The following ELN variants were observed in gnomAD, a reference collection of about 807,000 sequenced individuals.
The protein encoded by ELN is tropoelastin.
In ELN, 65 loss-of-function variants were observed where a neutral mutation model predicts 105.8. That is an observed-to-expected ratio of 0.61 (90% confidence interval 0.50 to 0.75). The LOEUF is 0.75. ELN is among the 30% of genes least tolerant of loss of function. The pLI is 0.00. For synonymous variants in ELN, 368 were observed against 389.2 expected (o/e 0.95, Z 0.64); for missense variants, 882 against 969.4 (o/e 0.91, Z 1.20).
intron 1 of ELN, among the ~76,000 whole-genome samples, chr7:74,032,446 C>T (rs1554662977): frequency 6.6e-6 from 1 of 152,118 alleles, no homozygotes; most frequent in African/African-American, 2.4e-5. Context: ...CCTGGGGAAG[C>T]AGCTGTTACC....
rs782000329 is a variant in ELN, at chr7:74,061,166, G to A, written c.1786+27G>A. ...TGAGTGCACCCCACAACCACTTGTG[G>A]CTCCCTTGCCACCACACCATCCCTG... On this transcript the variant is annotated intron_variant, in intron 26 of 32. Transcript: ENST00000252034. 10 of 1,613,812 alleles carry A rather than the reference G, an allele frequency of 6.2e-6. No individual in the cohort carries two copies. In the African/African-American group the frequency reaches 6.7e-5, roughly 11 times the overall value.
intron 1 of ELN, among the ~76,000 whole-genome samples, chr7:74,031,860 A>AAG (rs1788747600): frequency 1.1e-4 from 12 of 107,126 alleles, no homozygotes; most frequent in African/African-American, 1.5e-4. Flanking sequence ...AAGGAAGGAA[A>AAG]GAAGGAAGGA....
intron 25 of ELN, 22 bp downstream of exon 25, chr7:74,060,523 G>C (rs782185462): frequency 1.2e-6 from 2 of 1,614,178 alleles, no homozygotes; most frequent in South Asian, 1.1e-5. Flanking sequence ...GGAGTTAGGC[G>C]GAGCCTGTCC....
intron 4 of ELN, among the ~76,000 whole-genome samples, chr7:74,038,818 G>A (rs188692269): frequency 9.8e-5 from 15 of 152,352 alleles, no homozygotes; most frequent in African/African-American, 1.9e-4. Flanking sequence ...ATTCCCCTGC[G>A]CTAAAAGTCC....
At chr7:74,036,450 G>A (rs570942030) in intron 2 of ELN, 105 bp from the exon 3 acceptor site, 2 of 1,500,438 alleles carry the variant, frequency 1.3e-6, no homozygotes, top group Admixed American at 3.3e-5. Context: ...CTTGCCCAAG[G>A]TCACGTAGTT....
chr7:74,043,757 G>A, intron 8 of ELN, 122 bp from the exon 9 acceptor site: 2 of 1,306,732 alleles, frequency 1.5e-6, no homozygotes, highest in Non-Finnish European at 2.2e-6. Flanking sequence ...GTCCCTGGCT[G>A]CCCCTGTCGG....
intron 19 of ELN, among the ~76,000 whole-genome samples, chr7:74,055,377 A>C (rs1050922488): frequency 6.6e-6 from 1 of 152,104 alleles, no homozygotes; most frequent in African/African-American, 2.4e-5. Context: ...GGAGTTTGAG[A>C]CCAGCCTGGG....
Position 74,068,634 on chromosome 7 carries a change from G to C in ELN, c.2132-23G>C, listed in dbSNP as rs782409595. Reference sequence around the variant, plus strand: ...AACTGAGAGGGGCCGGACTCACAGTGATGTGCACCTCCTCCCGTCCAGGTG... The same window carrying C: ...AACTGAGAGGGGCCGGACTCACAGTCATGTGCACCTCCTCCCGTCCAGGTG... On this transcript the variant is annotated intron_variant, in intron 32 of 32. Coordinates refer to ENST00000252034, the MANE Select transcript of ELN (RefSeq NM_000501.4). The C allele has an allele frequency of 3.1e-6, 5 of 1,614,152 alleles. No homozygotes were observed. In the South Asian group the frequency reaches 5.5e-5, roughly 18 times the overall value.
chr7:74,069,802 T>C lies in ELN; in HGVS notation c.*1102T>C, dbSNP rs1337455789. 4.6e-6 allele frequency: 1 copy of C among 218,690 alleles called. No individual in the cohort carries two copies. Among genetic ancestry groups the C allele is most frequent in the African/African-American group, 2.2e-5 (1 of 44,470 alleles). The allele number at this position is 218,690 out of a possible 1,614,324, so 13.5% of individuals were successfully genotyped here. ...TGTATCCCCAGTAGAAAAAACATTT[T>C]AATCACTCTAATATAACTCTGGATG... is the stretch of plus-strand genomic sequence containing the variant. On this transcript the variant is annotated 3_prime_UTR_variant, in exon 33 of 33. Transcript: ENST00000252034.
chr7:74,052,142 T>C, intron 17 of ELN, 159 bp downstream of exon 17: 1 of 801,484 alleles, frequency 1.2e-6, no homozygotes, highest in Non-Finnish European at 2.0e-6. Flanking sequence ...CTACCTGAGA[T>C]GCCATCTCTA....
rs34208922 is a variant in ELN at position 74,069,201 on chromosome 7, C to CA, written c.*501_*502insA. 69,400 of 257,864 alleles carry CA rather than the reference C, an allele frequency of 0.27. 11,149 individuals are homozygous for CA. The highest frequency in any genetic ancestry group is 0.49 in the African/African-American group (22,592 of 45,952). The allele number at this position is 257,864 out of a possible 1,614,324, so 16.0% of individuals were successfully genotyped here. ...CTGAAGCCTCAAAGCTGGATTCGCT[C>CA]TAGCATCCCTCCTCTCCTGGGTCCA... On this transcript the variant is annotated 3_prime_UTR_variant, in exon 33 of 33. Coordinates refer to ENST00000252034, the MANE Select transcript of ELN (RefSeq NM_000501.4).
chr7:74,047,844 G>A, intron 13 of ELN, 128 bp downstream of exon 13: 1 of 1,351,768 alleles, frequency 7.4e-7, no homozygotes, highest in Non-Finnish European at 1.0e-6. Context: ...GTCTTGGAGT[G>A]GGAATCTCAG....
chr7:74,055,626 T>C (rs970224747), intron 19 of ELN, among the ~76,000 whole-genome samples: 1 of 151,578 alleles, frequency 6.6e-6, no homozygotes, highest in Non-Finnish European at 1.5e-5. Flanking sequence ...ATTACAGACA[T>C]GCACCACCAT....
At chr7:74,040,502 A>G (rs1476401138) in intron 4 of ELN, among the ~76,000 whole-genome samples, 1 of 152,234 alleles carries the variant, frequency 6.6e-6, no homozygotes, top group Non-Finnish European at 1.5e-5. Context: ...AGCAGGCTCC[A>G]TGTTTGGGAT....
At chr7:74,050,491 G>T (rs781866430) in intron 15 of ELN, among the ~76,000 whole-genome samples, 1 of 127,652 alleles carries the variant, frequency 7.8e-6, no homozygotes, top group Non-Finnish European at 1.7e-5. Flanking sequence ...CCATTCTTCC[G>T]TGCATCCCTC....
chr7:74,037,947 A>G (rs1790369318), intron 4 of ELN: 7 of 649,632 alleles, frequency 1.1e-5, no homozygotes, highest in Non-Finnish European at 1.9e-5. Flanking sequence ...AAGAGGCTGG[A>G]AGCAGCTCCA....
rs1554686505 is a variant in ELN, at chr7:74,063,372, G to A, written c.1918+3G>A. On this transcript the variant is annotated splice_donor_region_variant and intron_variant, in intron 28 of 32. Coordinates refer to ENST00000252034, the MANE Select transcript of ELN (RefSeq NM_000501.4). This position sits in a 1 kb window ranked among gnomAD's most constrained non-coding sequence, Gnocchi z 4.1. ...TGCTGCCAAAGCCGCCCAGTTTGGT[G>A]AGCACTGGGTGGAGGTGGGAGCTGC... The A allele has an allele frequency of 1.3e-6, 2 of 1,546,080 alleles. No homozygotes were observed. The highest frequency in any genetic ancestry group is 1.7e-6 in the Non-Finnish European group (2 of 1,147,470).
chr7:74,059,398 CT>C (rs1437790476), intron 22 of ELN, among the ~76,000 whole-genome samples: 1 of 152,218 alleles, frequency 6.6e-6, no homozygotes, highest in Non-Finnish European at 1.5e-5. Context: ...TTAAGAACTC[CT>C]GGCCAAATGC....
At chr7:74,052,794 A>T in intron 17 of ELN, 1 of 239,172 alleles carries the variant, frequency 4.2e-6, no homozygotes, top group Non-Finnish European at 8.1e-6. Flanking sequence ...AAAGAAAGAA[A>T]GGGAAAGGAA....
Sources: allele counts gnomAD v4.1 joint callset (sites outside exome capture counted in the v4.1 genomes callset), GRCh38; gene constraint gnomAD v4.1.1; non-coding constraint Gnocchi (gnomAD v3.1); transcripts MANE v1.5; gene names NCBI Gene and HGNC (gene_info 2026-07-23, HGNC 2026-07-21).